Variants in SF1 observed in about 807,000 individuals in gnomAD.
SF1 encodes branch point-binding protein.
SF1 carries 7 observed loss-of-function variants against 62.5 expected under a neutral mutation model. The ratio of observed to expected loss-of-function variants is 0.11; its 90% CI spans 0.06 to 0.21. The LOEUF is 0.21. Ranked by LOEUF, SF1 falls within the 10% of genes least tolerant of loss-of-function variation. The pLI is 1.00. For synonymous variants in SF1, 394 were observed against 323.6 expected, an observed-to-expected ratio of 1.22 and a Z score of -2.33; for missense variants, 578 against 884.0, an observed-to-expected ratio of 0.65 and a Z score of 4.39.
intron 3 of SF1, chr11:64,771,819 G>C: frequency 1.0e-6 from 1 of 985,354 alleles, no homozygotes; most frequent in Non-Finnish European, 1.2e-6. Flanking sequence ...ACCTTTTTAA[G>C]AAATTATCTT....
intron 1 of SF1, chr11:64,777,936 C>T: frequency 2.0e-6 from 2 of 979,822 alleles, no homozygotes; most frequent in Non-Finnish European, 2.4e-6. Context: ...GCCCCTCAGG[C>T]GGCCGGGCCC....
At chr11:64,776,770 AAAC>A (rs1252910142) in intron 1 of SF1, 144 bp from the exon 2 acceptor site, 2 of 739,562 alleles carry the variant, frequency 2.7e-6, no homozygotes, top group African/African-American at 3.7e-5. Flanking sequence ...AAAAAACAGA[AAAC>A]AAACCTCAGA....
chr11:64,778,442 T>A lies in SF1; in HGVS notation c.-50A>T. The A allele has an allele frequency of 1.6e-6, 2 of 1,216,372 alleles. No individual in the cohort carries two copies. Among genetic ancestry groups the A allele is most frequent in the South Asian group, 8.2e-5 (2 of 24,362 alleles). 75.3% of individuals were successfully genotyped at this position (1,216,372 alleles called of 1,614,324 possible). On this transcript the variant is annotated 5_prime_UTR_variant, in exon 1 of 13. Coordinates refer to ENST00000377390, the MANE Select transcript of SF1 (RefSeq NM_004630.4). Reference sequence around the variant, plus strand: ...CACCTGCTTTTCCTCTGCGGCGGCTTCTCCTTCGCAAGCCTCCCGGGGGGA... The same window carrying A: ...CACCTGCTTTTCCTCTGCGGCGGCTACTCCTTCGCAAGCCTCCCGGGGGGA...
intron 1 of SF1, chr11:64,778,048 C>T: frequency 9.9e-7 from 1 of 1,010,430 alleles, no homozygotes; most frequent in Non-Finnish European, 1.2e-6. Context: ...GTGGCGGCGG[C>T]TGCGGCGGCG....
intron 1 of SF1, 28 bp downstream of exon 1, chr11:64,778,334 G>C: frequency 8.2e-7 from 1 of 1,225,010 alleles, no homozygotes; most frequent in Non-Finnish European, 1.0e-6. Flanking sequence ...CCCGGGGAGC[G>C]GGGGCAGCCC....
At chr11:64,774,973 A>AG (rs1181085116) in intron 2 of SF1, among the ~76,000 whole-genome samples, 102 of 152,162 alleles carry the variant, frequency 6.7e-4, no homozygotes, top group Admixed American at 6.3e-3. Flanking sequence ...AAAAAAAAAA[A>AG]AAAAAGATAT....
At chr11:64,767,314 T>C (rs1376725723) in intron 10 of SF1, 63 bp from the exon 11 acceptor site, 4 of 1,481,836 alleles carry the variant, frequency 2.7e-6, no homozygotes, top group Non-Finnish European at 3.8e-6. Context: ...AAGCCACCCC[T>C]GTGATAACCT....
rs199672583 is a variant in SF1, at chr11:64,765,368, G to A, written c.*450C>T. On this transcript the variant is annotated 3_prime_UTR_variant, in exon 13 of 13. Transcript: ENST00000377390. The stretch of plus-strand genomic sequence containing the variant: ...TCACGATATGGAGCCAGCGTGTTCC[G>A]ATTCCGTCCACAAAAATAACTCAGG... The A allele has an allele frequency of 1.8e-5, 17 of 962,272 alleles. No homozygotes were observed. The Admixed American group carries it at 2.2e-4, about 12-fold the overall frequency. 59.6% of individuals were successfully genotyped at this position (962,272 alleles called of 1,614,324 possible).
Position 64,768,156 on chromosome 11 carries a change from G to A in SF1, c.1018C>T (p.Leu340=). The A allele has an allele frequency of 3.1e-6, 5 of 1,613,952 alleles. No homozygotes were observed. Among genetic ancestry groups the A allele is most frequent in the Non-Finnish European group, 4.2e-6 (5 of 1,179,934 alleles). The change falls in exon 9 of 13, where the codon CTG becomes TTG. Residue 340 remains leucine (L), a synonymous_variant. Coordinates refer to ENST00000377390, the MANE Select transcript of SF1 (RefSeq NM_004630.4). ...GSTSGPATTP[L]ASAPRPAAPA... ...GCAGCAGGACGAGGTGCGCTGGCCA[G>A]GGGTGTGGTGGCAGGCCCAGAGGTG...
chr11:64,777,599 G>T, intron 1 of SF1: 1 of 985,456 alleles, frequency 1.0e-6, no homozygotes, highest in Non-Finnish European at 1.2e-6. Context: ...GTCGCTGCAC[G>T]TCATCAGGTG....
intron 9 of SF1, 49 bp downstream of exon 9, chr11:64,768,057 C>T (rs1205117661): frequency 6.4e-7 from 1 of 1,567,652 alleles, no homozygotes; most frequent in Non-Finnish European, 8.6e-7. Context: ...CCAGTCTCTG[C>T]AGTAGAGAAT....
chr11:64,766,861 A>AAACCCCCCCC, intron 12 of SF1, 39 bp downstream of exon 12: 1 of 158,978 alleles, frequency 6.3e-6, no homozygotes, highest in Non-Finnish European at 1.2e-5. Context: ...CCCCACCCCC[A>AAACCCCCCCC]TCCCACCCAC....
chr11:64,778,255 C>T (rs1231115050), intron 1 of SF1, 107 bp downstream of exon 1: 17 of 1,206,022 alleles, frequency 1.4e-5, no homozygotes, highest in Non-Finnish European at 1.6e-5. Context: ...GCGGCGGCGG[C>T]CCGGGAGCCA....
At chr11:64,777,801 CAGCGCGCGTG>C in intron 1 of SF1, 2 of 981,418 alleles carry the variant, frequency 2.0e-6, no homozygotes, top group Non-Finnish European at 2.4e-6. Context: ...CCTCCCCCCA[CAGCGCGCGTG>C]CGCACTCGAG....
intron 2 of SF1, 104 bp from the exon 3 acceptor site, chr11:64,773,609 T>C: frequency 1.5e-6 from 2 of 1,330,792 alleles, no homozygotes; most frequent in Non-Finnish European, 2.0e-6. Flanking sequence ...CTCGGAGACT[T>C]TGAAAGGGAC....
At chr11:64,771,888 C>A (rs1190836533) in intron 3 of SF1, 2 of 985,274 alleles carry the variant, frequency 2.0e-6, no homozygotes, top group Non-Finnish European at 2.4e-6. Context: ...ACCAATCAGG[C>A]ATTAGGGCCT....
At chr11:64,768,344 C>T (rs1221535134) in intron 8 of SF1, 58 bp from the exon 9 acceptor site, 4 of 1,532,604 alleles carry the variant, frequency 2.6e-6, no homozygotes, top group African/African-American at 1.4e-5. Context: ...AAGAAGGAAG[C>T]TTTTATCCTG....
Position 64,766,918 on chromosome 11 carries a change from G to T in SF1, c.1564C>A (p.Pro522Thr). ...TACTCACTTTGCTGCCATGGCAAGG[G>T]GGTACTGGAAGCCATACTGCTGCTG... ...PPSSSMASST[P>T]LPWQQNTTTT... is the part of the protein sequence containing the mutation. Residue 522 changes from proline (P) to threonine (T), a missense_variant, in exon 12 of 13, where the codon CCC becomes ACC. Physicochemically the swap from Pro to Thr is conservative, Grantham distance 38. Transcript: ENST00000377390. 1 of 1,450,718 alleles carries T rather than the reference G, an allele frequency of 6.9e-7. No individual in the cohort carries two copies. The highest frequency in any genetic ancestry group is 9.1e-7 in the Non-Finnish European group (1 of 1,098,584). The allele number at this position is 1,450,718 out of a possible 1,614,324, so 89.9% of individuals were successfully genotyped here. A position where few individuals can be genotyped will look rare whatever the true frequency, so the allele number is the denominator to read the frequency against.
In SF1 at chr11:64,778,496, C is replaced by G; in HGVS notation, c.-104G>C. 8.5e-7 allele frequency: 1 copy of G among 1,169,884 alleles called. No homozygotes were observed. 72.5% of individuals were successfully genotyped at this position (1,169,884 alleles called of 1,614,324 possible). On this transcript the variant is annotated 5_prime_UTR_variant, in exon 1 of 13. Transcript: ENST00000377390. Reference sequence around the variant, plus strand: ...GACCCGAATGCGCTGCCGGAGCGCGCGGAGCCCGTCCTCTCACGCGGCGGG... The same window carrying G: ...GACCCGAATGCGCTGCCGGAGCGCGGGGAGCCCGTCCTCTCACGCGGCGGG...
Sources: gnomAD v4.1 joint callset for allele counts (sites outside exome capture counted in the v4.1 genomes callset) on GRCh38, gnomAD v4.1.1 for gene constraint, MANE v1.5 for transcripts, NCBI Gene and HGNC (gene_info 2026-07-23, HGNC 2026-07-21) for gene names.